The following ZBTB7C variants were observed in gnomAD, a reference collection of about 807,000 sequenced individuals.
ZBTB7C encodes the protein zinc finger and BTB domain-containing protein 7C.
ZBTB7C carries 8 observed loss-of-function variants against 25.7 expected under a neutral mutation model. The observed-to-expected ratio is 0.31, with a 90% confidence interval of 0.18 to 0.56. The LOEUF (loss-of-function observed/expected upper bound fraction) is 0.56, where lower values mean the gene tolerates loss of function less well. Among genes scored for constraint, ZBTB7C ranks in the 20% least tolerant of loss-of-function variants. ZBTB7C has a pLI of 0.91. For missense variants in ZBTB7C, 824 were observed against 855.2 expected (o/e 0.96, Z 0.46); for synonymous variants, 394 against 369.0 (o/e 1.07, Z -0.78).
At chr18:48,240,329 A>G (rs1388878813) in intron 2 of ZBTB7C, among the ~76,000 whole-genome samples, 1 of 152,186 alleles carries the variant, frequency 6.6e-6, no homozygotes, top group East Asian at 1.9e-4. Flanking sequence ...GCAGACAAAT[A>G]CAAGAAGCTC....
At chr18:48,177,196 G>A (rs1480976291) in intron 3 of ZBTB7C, among the ~76,000 whole-genome samples, 1 of 152,246 alleles carries the variant, frequency 6.6e-6, no homozygotes, top group African/African-American at 2.4e-5. Context: ...GGGCCAGCTG[G>A]AGGGTGGCTT....
intron 3 of ZBTB7C, among the ~76,000 whole-genome samples, chr18:48,172,385 G>C (rs1205508868): frequency 1.3e-5 from 2 of 152,170 alleles, no homozygotes; most frequent in African/African-American, 4.8e-5. Context: ...CTGGGAATCT[G>C]CCCAGGACCT....
intron 2 of ZBTB7C, among the ~76,000 whole-genome samples, chr18:48,221,038 A>AGTCTCCTCTATACTGCCCTT (rs2042938568): frequency 6.9e-6 from 1 of 145,576 alleles, no homozygotes; most frequent in Non-Finnish European, 1.5e-5. Flanking sequence ...ATACTGTCCC[A>AGTCTCCTCTATACTGCCCTT]GTCTCCTCTA....
At chr18:48,318,712 G>A (rs2046013599) in intron 2 of ZBTB7C, among the ~76,000 whole-genome samples, 1 of 152,178 alleles carries the variant, frequency 6.6e-6, no homozygotes. Flanking sequence ...GCTGAATCCT[G>A]TGCCCAGCCC....
At chr18:48,142,437 A>G (rs1273571599) in intron 3 of ZBTB7C, among the ~76,000 whole-genome samples, 1 of 152,146 alleles carries the variant, frequency 6.6e-6, no homozygotes, top group Non-Finnish European at 1.5e-5. Context: ...TCTCTGTGGG[A>G]AAGTACCCTG....
chr18:48,406,885 G>A (rs2048294901), intron 1 of ZBTB7C, among the ~76,000 whole-genome samples: 1 of 152,170 alleles, frequency 6.6e-6, no homozygotes, highest in South Asian at 2.1e-4. Context: ...GGTTTTGGAG[G>A]AAAAAGTTCA....
At chr18:48,140,366 T>C (rs1260093652) in intron 3 of ZBTB7C, among the ~76,000 whole-genome samples, 1 of 152,212 alleles carries the variant, frequency 6.6e-6, no homozygotes, top group Admixed American at 6.5e-5. Context: ...AACCACGCTG[T>C]GGGGTAGATC....
chr18:48,124,993 C>A (rs1040714768), intron 3 of ZBTB7C, among the ~76,000 whole-genome samples: 1 of 152,182 alleles, frequency 6.6e-6, no homozygotes, highest in South Asian at 2.1e-4. Flanking sequence ...GCAGGAGAAA[C>A]GCCACGGTCA....
intron 3 of ZBTB7C, among the ~76,000 whole-genome samples, chr18:48,092,248 T>C (rs2038446504): frequency 6.6e-6 from 1 of 152,214 alleles, no homozygotes; most frequent in Non-Finnish European, 1.5e-5. Context: ...TGTAATGAAC[T>C]TAACACGTTG....
chr18:48,235,328 A>C (rs538595194), intron 2 of ZBTB7C, among the ~76,000 whole-genome samples: 1 of 152,242 alleles, frequency 6.6e-6, no homozygotes, highest in African/African-American at 2.4e-5. Flanking sequence ...TCTACGTTTT[A>C]GTGCTTACTC....
intron 3 of ZBTB7C, among the ~76,000 whole-genome samples, chr18:48,153,466 G>A (rs1312644829): frequency 6.6e-6 from 1 of 152,134 alleles, no homozygotes; most frequent in South Asian, 2.1e-4. Context: ...AACCTTCCTT[G>A]TTGGGGTCTG....
At chr18:48,272,549 C>T (rs1409222689) in intron 2 of ZBTB7C, among the ~76,000 whole-genome samples, 1 of 152,202 alleles carries the variant, frequency 6.6e-6, no homozygotes, top group Non-Finnish European at 1.5e-5. Context: ...TACCACTTCA[C>T]ATTTACTAGA....
At chr18:48,123,447 C>A (rs535962529) in intron 3 of ZBTB7C, among the ~76,000 whole-genome samples, 5 of 152,230 alleles carry the variant, frequency 3.3e-5, no homozygotes, top group Non-Finnish European at 7.3e-5. Flanking sequence ...CTATGCAGGG[C>A]GTCAGAGGCC....
At chr18:48,229,950 G>A (rs1447324618) in intron 2 of ZBTB7C, among the ~76,000 whole-genome samples, 1 of 152,192 alleles carries the variant, frequency 6.6e-6, no homozygotes, top group Non-Finnish European at 1.5e-5. Flanking sequence ...GCAGGGGGCT[G>A]CCTGGGAGGC....
Position 48,258,762 on chromosome 18 carries a change from A to G in ZBTB7C, c.-78-72767T>C, listed in dbSNP as rs58229332. The stretch of plus-strand genomic sequence containing the variant: ...AACCTCCATCTCCCAGGTTCAAACA[A>G]TTCTCCCTGCCTCAGCCTCCTGAGT... On this transcript the variant is annotated intron_variant, in intron 2 of 4. Transcript: ENST00000590800. Among the ~76,000 whole-genome samples, 1,202 of 149,750 alleles carry G rather than the reference A, an allele frequency of 8.0e-3. 12 individuals carry two copies. The highest frequency in any genetic ancestry group is 0.028 in the African/African-American group (1,132 of 40,144).
intron 2 of ZBTB7C, among the ~76,000 whole-genome samples, chr18:48,257,708 A>G (rs1389110018): frequency 6.6e-6 from 1 of 152,170 alleles, no homozygotes; most frequent in African/African-American, 2.4e-5. Flanking sequence ...AAATATCAGG[A>G]CTAAGTGGTA....
At chr18:48,333,468 C>T (rs2046386387) in intron 2 of ZBTB7C, among the ~76,000 whole-genome samples, 1 of 152,118 alleles carries the variant, frequency 6.6e-6, no homozygotes, top group South Asian at 2.1e-4. Context: ...GACTCTCATG[C>T]CCATTTAATA....
intron 3 of ZBTB7C, among the ~76,000 whole-genome samples, chr18:48,075,807 T>C (rs1480356539): frequency 2.0e-5 from 3 of 152,162 alleles, no homozygotes; most frequent in African/African-American, 7.2e-5. Flanking sequence ...CCCCACCTGC[T>C]CTGTCCGCTA....
At chr18:48,167,595 T>TGTGTGTGC in intron 3 of ZBTB7C, among the ~76,000 whole-genome samples, 1 of 150,304 alleles carries the variant, frequency 6.7e-6, no homozygotes, top group African/African-American at 2.5e-5. Flanking sequence ...TGTGTGTGTG[T>TGTGTGTGC]GTGCGCGCGT....
Sources: allele counts gnomAD v4.1 joint callset (sites outside exome capture counted in the v4.1 genomes callset), GRCh38; gene constraint gnomAD v4.1.1; transcripts MANE v1.5; gene names NCBI Gene and HGNC (gene_info 2026-07-23, HGNC 2026-07-21).